The following P2RY10 variants were observed in gnomAD, a reference collection of about 807,000 sequenced individuals.
P2RY10 encodes P2Y receptor family member 10.
A neutral mutation model predicts 12.1 loss-of-function variants in P2RY10; 4 were observed. The ratio of observed to expected loss-of-function variants is 0.33; its 90% confidence interval spans 0.16 to 0.76. The LOEUF is 0.76. Ranked by LOEUF, P2RY10 falls within the 30% of genes least tolerant of loss-of-function variation. The probability of loss-of-function intolerance (pLI) is 0.61; values close to 1 mark genes in which losing one functional copy is unlikely to be tolerated. For missense variants in P2RY10, 233 were observed against 264.6 expected (o/e 0.88, Z 0.83); for synonymous variants, 112 against 94.1 (o/e 1.19, Z -1.10).
intron 3 of P2RY10, among the ~76,000 whole-genome samples, chrX:78,959,923 A>G (rs181448041): frequency 8.9e-6 from 1 of 112,052 alleles, no homozygotes; most frequent in East Asian, 2.8e-4. Context: ...TAGAGTCACA[A>G]GTTATTATGA....
In P2RY10 at chrX:78,961,480, C is replaced by T. The variant is rs752509238; in HGVS notation, c.960C>T (p.Gly320=). Residue 320 remains glycine (G), a synonymous_variant, in exon 4 of 4, where the codon GGC becomes GGT. Coordinates refer to ENST00000171757, the MANE Select transcript of P2RY10 (RefSeq NM_014499.4). ...SEFRDQLSRH[G]SSVTRSRLMS... ...TTCGTGACCAACTATCCCGCCATGG[C>T]AGTTCTGTGACCCGCTCCCGCCTCA... 2 of 1,210,367 alleles carry T rather than the reference C, an allele frequency of 1.7e-6. No individual in the cohort carries two copies. Among genetic ancestry groups the T allele is most frequent in the East Asian group, 3.0e-5 (1 of 33,829 alleles).
In P2RY10 at chrX:78,962,356, A is replaced by G. The variant is rs1459652736; in HGVS notation, c.*816A>G. Among the ~76,000 whole-genome samples, 1 of 111,941 alleles carries G rather than the reference A, an allele frequency of 8.9e-6. No homozygotes were observed. Among genetic ancestry groups the G allele is most frequent in the African/African-American group, 3.2e-5 (1 of 30,777 alleles). On this transcript the variant is annotated 3_prime_UTR_variant, in exon 4 of 4. Coordinates refer to ENST00000171757, the MANE Select transcript of P2RY10 (RefSeq NM_014499.4). ...CCTGTGGAAGTTGCCGATACAAATGAATAAATGGAACTTCAGAGAGGTTAA... is the reference window on the plus strand; with the variant it reads ...CCTGTGGAAGTTGCCGATACAAATGGATAAATGGAACTTCAGAGAGGTTAA...
At position 78,962,486 on chromosome X, in the gene P2RY10, C is replaced by G. The variant is rs1406890247; in HGVS notation, c.*946C>G. Among the ~76,000 whole-genome samples the G allele has an allele frequency of 8.9e-6, 1 of 111,741 alleles. No homozygotes were observed. The highest frequency in any genetic ancestry group is 3.3e-5 in the African/African-American group (1 of 30,743). On this transcript the variant is annotated 3_prime_UTR_variant, in exon 4 of 4. Coordinates refer to ENST00000171757, the MANE Select transcript of P2RY10 (RefSeq NM_014499.4). ...GCTTTTGTTGTTACATTTATTAGGT[C>G]TATACTAAATTAGCCTTCAATGATG...
At chrX:78,945,828 G>T (rs983857445) in intron 1 of P2RY10, among the ~76,000 whole-genome samples, 8 of 111,813 alleles carry the variant, frequency 7.2e-5, no homozygotes, top group African/African-American at 2.6e-4. Context: ...AGACTCATTG[G>T]GACAACTTGA....
intron 3 of P2RY10, among the ~76,000 whole-genome samples, chrX:78,957,961 G>T (rs753952470): frequency 1.8e-5 from 2 of 112,274 alleles, no homozygotes; most frequent in Admixed American, 1.9e-4. Flanking sequence ...AAGTGTGACT[G>T]CAGGAGAGTA....
intron 2 of P2RY10, among the ~76,000 whole-genome samples, chrX:78,948,760 C>T (rs1921966945): frequency 8.9e-6 from 1 of 111,884 alleles, no homozygotes; most frequent in Non-Finnish European, 1.9e-5. Context: ...GAATAGTGGA[C>T]TCCACCTCCA....
chrX:78,949,015 G>A (rs1175139254), intron 2 of P2RY10, among the ~76,000 whole-genome samples: 2 of 111,582 alleles, frequency 1.8e-5, no homozygotes, highest in African/African-American at 6.5e-5. Context: ...TACCAGCAGT[G>A]TAGAAGCTTT....
chrX:78,952,181 T>C lies in P2RY10; in HGVS notation c.-156-12T>C, dbSNP rs1922135301. ...CAGAGATGGTGGCTGATTTTTCTGC[T>C]TTTCTTATTAGGTTAAAACTCTATG... On this transcript the variant is annotated splice_polypyrimidine_tract_variant and intron_variant, in intron 2 of 3. Transcript: ENST00000171757. 8.0e-6 allele frequency: 6 copies of C among 748,675 alleles called. No homozygotes were observed. The South Asian group carries it at 2.0e-4, about 25-fold the overall frequency. The allele number at this position is 748,675 out of a possible 1,213,427, so 61.7% of individuals were successfully genotyped here. A position where few individuals can be genotyped will look rare whatever the true frequency, so the allele number is the denominator to read the frequency against.
intron 1 of P2RY10, among the ~76,000 whole-genome samples, chrX:78,947,275 A>G (rs1460707073): frequency 1.8e-5 from 2 of 111,843 alleles, no homozygotes; most frequent in Non-Finnish European, 3.8e-5. Flanking sequence ...GTCATGGCTC[A>G]AGCAAAGAGA....
Position 78,947,011 on chromosome X carries a change from C to T in P2RY10, c.-205-804C>T, listed in dbSNP as rs919366439. Among the ~76,000 whole-genome samples, 3 of 110,947 alleles carry T rather than the reference C, an allele frequency of 2.7e-5. No individual in the cohort carries two copies. In the East Asian group the frequency reaches 8.5e-4, roughly 31 times the overall value. The stretch of plus-strand genomic sequence containing the variant: ...GGTGGATCACCTGAGGTCAGGAGTT[C>T]GAGACCAGCCTGGTCAACATGGCGA... On this transcript the variant is annotated intron_variant, in intron 1 of 3. Transcript: ENST00000171757.
intron 3 of P2RY10, among the ~76,000 whole-genome samples, chrX:78,955,006 C>T (rs907065816): frequency 9.0e-6 from 1 of 111,412 alleles, no homozygotes; most frequent in Non-Finnish European, 1.9e-5. Flanking sequence ...AAAACGGGGA[C>T]GGGGTGGAGA....
chrX:78,949,902 G>A (rs926699555), intron 2 of P2RY10, among the ~76,000 whole-genome samples: 1 of 111,565 alleles, frequency 9.0e-6, no homozygotes, highest in East Asian at 2.8e-4. Flanking sequence ...GATCAGATTG[G>A]CTTGGATAAT....
intron 2 of P2RY10, among the ~76,000 whole-genome samples, chrX:78,949,458 T>C (rs1264560416): frequency 1.8e-5 from 2 of 111,895 alleles, no homozygotes; most frequent in African/African-American, 3.2e-5. Context: ...TGATATGAAG[T>C]GAATTGTTTC....
intron 2 of P2RY10, among the ~76,000 whole-genome samples, chrX:78,949,578 G>A (rs1332594386): frequency 8.9e-6 from 1 of 112,009 alleles, no homozygotes; most frequent in Non-Finnish European, 1.9e-5. Context: ...TATCTAATTA[G>A]GCCGCCTTCC....
chrX:78,959,578 C>T (rs1299421262), intron 3 of P2RY10, among the ~76,000 whole-genome samples: 1 of 111,782 alleles, frequency 8.9e-6, no homozygotes, highest in Non-Finnish European at 1.9e-5. Context: ...GAAGGAATCT[C>T]TTCATAATGA....
At chrX:78,958,507 C>CTT (rs1203773899) in intron 3 of P2RY10, among the ~76,000 whole-genome samples, 4 of 112,316 alleles carry the variant, frequency 3.6e-5, no homozygotes, top group African/African-American at 1.3e-4. Flanking sequence ...TAAATCCTAT[C>CTT]TTTACCATTT....
chrX:78,959,487 C>A (rs745943657), intron 3 of P2RY10, among the ~76,000 whole-genome samples: 33 of 111,611 alleles, frequency 3.0e-4, no homozygotes, highest in Non-Finnish European at 5.8e-4. Context: ...CTAAAGATTA[C>A]TCTACTCTCT....
At chrX:78,958,883 C>T (rs1410026963) in intron 3 of P2RY10, among the ~76,000 whole-genome samples, 1 of 111,928 alleles carries the variant, frequency 8.9e-6, no homozygotes, top group African/African-American at 3.2e-5. Flanking sequence ...ATAACAGCCA[C>T]ACTCTTTTAT....
intron 2 of P2RY10, among the ~76,000 whole-genome samples, chrX:78,950,222 G>C (rs980557390): frequency 9.0e-6 from 1 of 111,326 alleles, no homozygotes; most frequent in East Asian, 2.8e-4. Context: ...GGTACCAGCT[G>C]CATAAATGGT....
Sources: allele counts gnomAD v4.1 joint callset (sites outside exome capture counted in the v4.1 genomes callset), GRCh38; gene constraint gnomAD v4.1.1; transcripts MANE v1.5; gene names NCBI Gene and HGNC (gene_info 2026-07-23, HGNC 2026-07-21).